Variants in STARD13 observed in about 807,000 individuals in gnomAD.
STARD13 encodes StAR related lipid transfer domain containing 13, also known as stAR-related lipid transfer protein 13.
A neutral mutation model predicts 106.4 loss-of-function variants in STARD13; 62 were observed. That is an observed-to-expected ratio of 0.58 (90% confidence interval 0.48 to 0.72). The LOEUF (loss-of-function observed/expected upper bound fraction) is 0.72, where lower values mean the gene tolerates loss of function less well. Ranked by LOEUF, STARD13 falls within the 30% of genes least tolerant of loss-of-function variation. The probability of loss-of-function intolerance (pLI) is 0.00; values close to 1 mark genes in which losing one functional copy is unlikely to be tolerated. For missense variants in STARD13, 1,387 were observed against 1,424.0 expected (o/e 0.97, Z 0.42); for synonymous variants, 565 against 553.0 (o/e 1.02, Z -0.31).
At chr13:33,523,999 A>G in the STARD13 span, among the ~76,000 whole-genome samples, 1 of 152,280 alleles carries the variant, frequency 6.6e-6, no homozygotes, top group East Asian at 1.9e-4. Flanking sequence ...TAACCGTTTT[A>G]CCTTCAGCAA....
chr13:33,480,882 G>A, the STARD13 span, among the ~76,000 whole-genome samples: 1 of 152,088 alleles, frequency 6.6e-6, no homozygotes, highest in East Asian at 1.9e-4. Flanking sequence ...CTTATCATAT[G>A]TAAAATCCGG....
At position 33,112,904 on chromosome 13, in the gene STARD13, G is replaced by A; in HGVS notation, c.2309C>T (p.Ala770Val). 1 of 1,611,568 alleles carries A rather than the reference G, an allele frequency of 6.2e-7. No individual in the cohort carries two copies. The highest frequency in any genetic ancestry group is 2.2e-5 in the East Asian group (1 of 44,840). Residue 770 changes from alanine to valine, a missense_variant, in exon 9 of 14, where the codon GCC (alanine) becomes GTC (valine). Transcript: ENST00000336934. ...CAGTAGCAGGATGGCAGCCTGCACG[G>A]CCTGCAGCCGCTGCTCTTTGGAGAC... ...QYVSKEQRLQ[A>V]VQAAILLLAD...
chr13:33,487,002 A>G, the STARD13 span, among the ~76,000 whole-genome samples: 581 of 152,322 alleles, frequency 3.8e-3, 5 homozygotes, highest in African/African-American at 0.013. Context: ...TGGAATAACC[A>G]TTTATTATTA....
rs76414121 is a variant in STARD13, at chr13:33,204,010, T to C, written c.170-36388A>G. On this transcript the variant is annotated intron_variant, in intron 1 of 13. Coordinates refer to ENST00000336934, the MANE Select transcript of STARD13 (RefSeq NM_178006.4). ...TAGATTCATCAAAAGGTTAATCATC[T>C]TCCTCAAGGTCACAAAATTAGGCAG... is the stretch of plus-strand genomic sequence containing the variant. Among the ~76,000 whole-genome samples, 707 of 152,346 alleles carry C rather than the reference T, an allele frequency of 4.6e-3. 4 individuals carry two copies. The highest frequency in any genetic ancestry group is 0.016 in the African/African-American group (678 of 41,584).
the STARD13 span, among the ~76,000 whole-genome samples, chr13:33,464,618 G>C: frequency 0.3 from 45,423 of 151,866 alleles, 7,511 homozygotes; most frequent in Non-Finnish European, 0.39. Flanking sequence ...AGGAGGCCGA[G>C]GGGGGCAGAT....
chr13:33,285,138 G>A (rs1891992270), intron 1 of STARD13, among the ~76,000 whole-genome samples: 1 of 152,100 alleles, frequency 6.6e-6, no homozygotes. Context: ...TAAATGTGAC[G>A]GAGTGTGAGG....
rs867350901 is a variant in STARD13, at chr13:33,129,292, A to T, written c.1385T>A (p.Val462Asp). Residue 462 changes from valine to aspartate, a missense_variant, in exon 5 of 14, where the codon GTC becomes GAC. Coordinates refer to ENST00000336934, the MANE Select transcript of STARD13 (RefSeq NM_178006.4). Reference sequence around the variant, plus strand: ...GCTGGCATACAGATGGGAGCCAGGGACATTGTCATAGATACTGACTCGGCT... The same window carrying T: ...GCTGGCATACAGATGGGAGCCAGGGTCATTGTCATAGATACTGACTCGGCT... ...RASRVSIYDN[V>D]PGSHLYASTG... The T allele has an allele frequency of 6.2e-6, 10 of 1,614,020 alleles. No homozygotes were observed. The South Asian group carries it at 9.9e-5, about 16-fold the overall frequency.
At chr13:33,497,568 C>T in the STARD13 span, among the ~76,000 whole-genome samples, 80,734 of 152,016 alleles carry the variant, frequency 0.53, 22,613 homozygotes, top group African/African-American at 0.72. Flanking sequence ...GACACTGCTC[C>T]ACTTATTTCT....
intron 1 of STARD13, among the ~76,000 whole-genome samples, chr13:33,249,893 A>C (rs1174433230): frequency 6.6e-6 from 1 of 152,098 alleles, no homozygotes; most frequent in Non-Finnish European, 1.5e-5. Context: ...AGGATTAAAC[A>C]ATAGTCCCAC....
chr13:33,193,796 A>T (rs570957081), intron 1 of STARD13, among the ~76,000 whole-genome samples: 9 of 152,238 alleles, frequency 5.9e-5, no homozygotes, highest in Non-Finnish European at 1.3e-4. Flanking sequence ...AACTGTAGAG[A>T]TCAGTAAAAT....
chr13:33,521,312 G>T, the STARD13 span, among the ~76,000 whole-genome samples: 1 of 152,188 alleles, frequency 6.6e-6, no homozygotes, highest in Non-Finnish European at 1.5e-5. Flanking sequence ...CTAGATTGAA[G>T]AATTTGTTTT....
the STARD13 span, among the ~76,000 whole-genome samples, chr13:33,535,138 C>G: frequency 2.0e-5 from 3 of 151,990 alleles, no homozygotes; most frequent in East Asian, 5.8e-4. Flanking sequence ...TCGCTTGAAC[C>G]CAGGAGACAG....
chr13:33,542,210 A>T, the STARD13 span, among the ~76,000 whole-genome samples: 1 of 152,184 alleles, frequency 6.6e-6, no homozygotes, highest in African/African-American at 2.4e-5. Flanking sequence ...TCTCAGAATA[A>T]ACACTGAAAG....
At chr13:33,541,014 T>C in the STARD13 span, among the ~76,000 whole-genome samples, 223 of 152,294 alleles carry the variant, frequency 1.5e-3, 1 homozygote, top group African/African-American at 5.1e-3. Context: ...GTTGAGGATA[T>C]TTGCAAAGGA....
At chr13:33,413,542 T>A in the STARD13 span, among the ~76,000 whole-genome samples, 2 of 152,184 alleles carry the variant, frequency 1.3e-5, no homozygotes, top group East Asian at 3.9e-4. Flanking sequence ...GTGAAAAGGA[T>A]GAAAAGCTAC....
chr13:33,604,321 C>A, the STARD13 span, among the ~76,000 whole-genome samples: 3 of 152,014 alleles, frequency 2.0e-5, no homozygotes, highest in African/African-American at 7.2e-5. Context: ...TCATGTAGTA[C>A]AATTAATGCC....
chr13:33,463,681 C>G, the STARD13 span, among the ~76,000 whole-genome samples: 45,723 of 151,878 alleles, frequency 0.3, 7,625 homozygotes, highest in Non-Finnish European at 0.39. Context: ...CTTCATGTAA[C>G]CTGGTGGGAA....
At chr13:33,509,453 G>A in the STARD13 span, among the ~76,000 whole-genome samples, 5 of 152,282 alleles carry the variant, frequency 3.3e-5, no homozygotes, top group East Asian at 7.7e-4. Flanking sequence ...AACACTTGCT[G>A]CTGTACATTC....
the STARD13 span, among the ~76,000 whole-genome samples, chr13:33,429,979 G>A: frequency 6.6e-6 from 1 of 151,444 alleles, no homozygotes; most frequent in Admixed American, 6.6e-5. Flanking sequence ...GTGCAGTGGC[G>A]CGATCTCGGC....
Sources: allele counts gnomAD v4.1 joint callset (sites outside exome capture counted in the v4.1 genomes callset), GRCh38; gene constraint gnomAD v4.1.1; transcripts MANE v1.5; gene names NCBI Gene and HGNC (gene_info 2026-07-23, HGNC 2026-07-21).